COP1: variants seen among roughly 807,000 people sequenced by gnomAD.
COP1 encodes the protein E3 ubiquitin-protein ligase COP1.
A neutral mutation model predicts 101.3 loss-of-function variants in COP1; 24 were observed. The observed-to-expected ratio is 0.24, with a 90% confidence interval of 0.17 to 0.33. COP1 has a LOEUF of 0.33. COP1 is among the 10% of genes least tolerant of loss of function. The pLI is 1.00. For synonymous variants in COP1, 347 were observed against 341.9 expected (o/e 1.01, Z -0.17); for missense variants, 663 against 906.2 (o/e 0.73, Z 3.45).
At chr1:176,122,163 G>C (rs1449159603) in intron 8 of COP1, among the ~76,000 whole-genome samples, 3 of 151,222 alleles carry the variant, frequency 2.0e-5, no homozygotes, top group Non-Finnish European at 2.9e-5. Flanking sequence ...AAAAATCTGG[G>C]CTCAAAAAGA....
At chr1:175,994,895 T>A (rs1225346570) in intron 15 of COP1, among the ~76,000 whole-genome samples, 2 of 152,134 alleles carry the variant, frequency 1.3e-5, no homozygotes, top group African/African-American at 4.8e-5. Flanking sequence ...CCAAGCAGAC[T>A]TAATGGACAT....
intron 14 of COP1, among the ~76,000 whole-genome samples, chr1:176,040,667 C>T (rs914024267): frequency 3.0e-4 from 46 of 152,168 alleles, no homozygotes; most frequent in African/African-American, 1.1e-3. Flanking sequence ...TAGGAATAAA[C>T]AACTTGCTAC....
At chr1:176,179,406 A>G (rs2487144) in intron 2 of COP1, among the ~76,000 whole-genome samples, 41,957 of 152,154 alleles carry the variant, frequency 0.28, 6,782 homozygotes, top group East Asian at 0.52. Flanking sequence ...GAAAATGTGC[A>G]TATGACAAGA....
chr1:175,954,798 A>G (rs1369359176), intron 18 of COP1, among the ~76,000 whole-genome samples: 1 of 152,162 alleles, frequency 6.6e-6, no homozygotes, highest in Non-Finnish European at 1.5e-5. Flanking sequence ...ATTACCAACT[A>G]CTTTTATAAA....
At chr1:176,042,562 CAAAAAAA>C (rs1171580353) in intron 14 of COP1, among the ~76,000 whole-genome samples, 1 of 53,100 alleles carries the variant, frequency 1.9e-5, no homozygotes, top group African/African-American at 7.9e-5. Flanking sequence ...GAATCCGTCT[CAAAAAAA>C]AAAAAAAAAA....
rs114018622 is a variant in COP1, at chr1:175,950,202, T to C, written c.2134-2963A>G. 5.6e-3 allele frequency among the ~76,000 whole-genome samples: 841 copies of C among 149,558 alleles called. 10 individuals carry two copies. Among genetic ancestry groups the C allele is most frequent in the African/African-American group, 0.02 (800 of 40,902 alleles). ...ACTATTTCCTGCAGAAACAGATAAATACTTTATGTGTTAAAAAAAAAAAAA... is the reference window on the plus strand; with the variant it reads ...ACTATTTCCTGCAGAAACAGATAAACACTTTATGTGTTAAAAAAAAAAAAA... On this transcript the variant is annotated intron_variant, in intron 18 of 19. Coordinates refer to ENST00000367669, the MANE Select transcript of COP1 (RefSeq NM_022457.7).
At chr1:176,157,657 C>T (rs1360043702) in intron 5 of COP1, among the ~76,000 whole-genome samples, 1 of 152,110 alleles carries the variant, frequency 6.6e-6, no homozygotes, top group Non-Finnish European at 1.5e-5. Flanking sequence ...AAACTGTTTC[C>T]AAGTAACTTA....
intron 15 of COP1, among the ~76,000 whole-genome samples, chr1:175,992,994 C>A (rs1054794001): frequency 2.8e-4 from 43 of 152,192 alleles, no homozygotes; most frequent in Non-Finnish European, 3.4e-4. Flanking sequence ...AGGCACCACC[C>A]AGTAGGGGCA....
At chr1:176,160,523 T>C (rs1482071638) in intron 5 of COP1, among the ~76,000 whole-genome samples, 2 of 152,088 alleles carry the variant, frequency 1.3e-5, no homozygotes, top group Non-Finnish European at 2.9e-5. Flanking sequence ...TGTACCCATC[T>C]GACAAAGATC....
intron 5 of COP1, 111 bp from the exon 6 acceptor site, chr1:176,149,185 C>A (rs543459221): frequency 1.2e-5 from 6 of 495,668 alleles, no homozygotes; most frequent in African/African-American, 6.0e-5. Context: ...CATTTAAGTT[C>A]GTCTATTATT....
chr1:176,122,786 GT>G (rs1253239357), intron 8 of COP1, among the ~76,000 whole-genome samples: 1 of 151,972 alleles, frequency 6.6e-6, no homozygotes, highest in African/African-American at 2.4e-5. Flanking sequence ...TCATTTGAAA[GT>G]TTTTTTTGTA....
intron 15 of COP1, among the ~76,000 whole-genome samples, chr1:176,008,389 C>T (rs1315558835): frequency 6.6e-6 from 1 of 152,128 alleles, no homozygotes; most frequent in Admixed American, 6.5e-5. Context: ...TTTGACAGGT[C>T]AAATTTTCTC....
chr1:176,073,358 A>G (rs140240406), intron 11 of COP1, among the ~76,000 whole-genome samples: 180 of 152,332 alleles, frequency 1.2e-3, no homozygotes, highest in East Asian at 9.1e-3. Context: ...TTGAACAAAC[A>G]TAAGTAAAAA....
chr1:176,136,695 C>T, intron 6 of COP1, 148 bp from the exon 7 acceptor site: 1 of 534,444 alleles, frequency 1.9e-6, no homozygotes, highest in Non-Finnish European at 3.3e-6. Context: ...GAGGGATAAC[C>T]ATCAACAAAA....
intron 2 of COP1, among the ~76,000 whole-genome samples, chr1:176,179,474 C>A (rs1697442179): frequency 6.6e-6 from 1 of 152,096 alleles, no homozygotes; most frequent in Non-Finnish European, 1.5e-5. Flanking sequence ...GTGGCTCGTG[C>A]CTGTAATCTC....
intron 8 of COP1, among the ~76,000 whole-genome samples, chr1:176,131,326 A>T (rs935670980): frequency 6.6e-6 from 1 of 151,890 alleles, no homozygotes; most frequent in African/African-American, 2.4e-5. Flanking sequence ...AGAAGCAGTA[A>T]AATAGGATAT....
At chr1:176,190,304 A>C (rs1364516498) in intron 1 of COP1, among the ~76,000 whole-genome samples, 3 of 152,052 alleles carry the variant, frequency 2.0e-5, no homozygotes, top group African/African-American at 7.2e-5. Flanking sequence ...AAAGGTTCAG[A>C]TTTTGGAGCA....
chr1:175,951,652 T>C (rs1649938461), intron 18 of COP1, among the ~76,000 whole-genome samples: 1 of 151,722 alleles, frequency 6.6e-6, no homozygotes, highest in African/African-American at 2.4e-5. Flanking sequence ...TGAGAGGCAA[T>C]TTCTGGACCA....
intron 11 of COP1, among the ~76,000 whole-genome samples, chr1:176,053,788 T>A (rs778459777): frequency 6.6e-6 from 1 of 152,230 alleles, no homozygotes; most frequent in African/African-American, 2.4e-5. Flanking sequence ...TACTTTCTTC[T>A]TTCCCAACAT....
Sources: gnomAD v4.1 joint callset for allele counts (sites outside exome capture counted in the v4.1 genomes callset) on GRCh38, gnomAD v4.1.1 for gene constraint, MANE v1.5 for transcripts, NCBI Gene and HGNC (gene_info 2026-07-23, HGNC 2026-07-21) for gene names.